The following FAM13A variants were observed in gnomAD, a reference collection of about 807,000 sequenced individuals.
FAM13A encodes protein FAM13A.
A neutral mutation model predicts 129.6 loss-of-function variants in FAM13A; 76 were observed. The ratio of observed to expected loss-of-function variants is 0.59; its 90% confidence interval spans 0.49 to 0.71. The LOEUF (loss-of-function observed/expected upper bound fraction) is 0.71. Ranked by LOEUF, FAM13A falls within the 30% of genes least tolerant of loss-of-function variation. FAM13A has a pLI of 0.00. For synonymous variants in FAM13A, 443 were observed against 449.9 expected (o/e 0.98, Z 0.20); for missense variants, 1,108 against 1,249.3 (o/e 0.89, Z 1.70).
intron 4 of FAM13A, among the ~76,000 whole-genome samples, chr4:88,968,406 C>T (rs1453239942): frequency 6.6e-6 from 1 of 152,164 alleles, no homozygotes; most frequent in Admixed American, 6.5e-5. Flanking sequence ...AATATATAAT[C>T]AGTAGCAAGG....
chr4:89,001,895 G>C (rs570567998), intron 3 of FAM13A, among the ~76,000 whole-genome samples: 1 of 151,938 alleles, frequency 6.6e-6, no homozygotes, highest in East Asian at 1.9e-4. Flanking sequence ...CTATTATTAC[G>C]GTGGTTTTCT....
chr4:88,912,549 C>T (rs1749238466), intron 5 of FAM13A, among the ~76,000 whole-genome samples: 2 of 138,610 alleles, frequency 1.4e-5, no homozygotes, highest in South Asian at 4.5e-4. Flanking sequence ...TAAATCACCT[C>T]TCTCTTTACA....
chr4:88,937,963 T>A, intron 5 of FAM13A, 125 bp downstream of exon 5: 1 of 658,442 alleles, frequency 1.5e-6, no homozygotes, highest in Non-Finnish European at 2.6e-6. Context: ...ATAAGAAGGA[T>A]TCACTATACA....
At chr4:89,037,934 G>A (rs1428831962) in intron 1 of FAM13A, among the ~76,000 whole-genome samples, 3 of 152,182 alleles carry the variant, frequency 2.0e-5, no homozygotes, top group Non-Finnish European at 1.5e-5. Context: ...TGTGGAACCA[G>A]GAGACAATTA....
At chr4:88,927,771 G>A (rs1412947531) in intron 5 of FAM13A, among the ~76,000 whole-genome samples, 1 of 151,878 alleles carries the variant, frequency 6.6e-6, no homozygotes, top group Non-Finnish European at 1.5e-5. Flanking sequence ...GGTTAGTCTA[G>A]TGAGTGGTCT....
chr4:88,924,003 G>T (rs1370291091), intron 5 of FAM13A, among the ~76,000 whole-genome samples: 4 of 152,144 alleles, frequency 2.6e-5, no homozygotes, highest in Non-Finnish European at 4.4e-5. Context: ...CAAAGGACGT[G>T]AAGGACCTCT....
chr4:88,944,188 C>A (rs1429707575), intron 4 of FAM13A, among the ~76,000 whole-genome samples: 4 of 152,028 alleles, frequency 2.6e-5, no homozygotes, highest in East Asian at 1.9e-4. Context: ...CATAGTGAGA[C>A]CCTCATTTTA....
chr4:89,019,823 A>T (rs1767009343), intron 3 of FAM13A, among the ~76,000 whole-genome samples: 1 of 151,962 alleles, frequency 6.6e-6, no homozygotes, highest in African/African-American at 2.4e-5. Context: ...TACAATCAAA[A>T]ATCAATTTTT....
chr4:89,038,804 T>TG (rs1769728429), intron 1 of FAM13A, among the ~76,000 whole-genome samples: 1 of 152,148 alleles, frequency 6.6e-6, no homozygotes, highest in Admixed American at 6.5e-5. Flanking sequence ...CACTTAATAA[T>TG]GTAAGCAAGG....
At chr4:88,744,737 A>AT (rs1353772725) in intron 19 of FAM13A, among the ~76,000 whole-genome samples, 7 of 151,934 alleles carry the variant, frequency 4.6e-5, no homozygotes, top group South Asian at 2.1e-4. Flanking sequence ...TGACTCTTTG[A>AT]TTTTTTTTCA....
intron 4 of FAM13A, among the ~76,000 whole-genome samples, chr4:88,956,119 G>A (rs1490792200): frequency 6.6e-6 from 1 of 152,206 alleles, no homozygotes; most frequent in Non-Finnish European, 1.5e-5. Flanking sequence ...GTAGTGTACA[G>A]TAATGTCCTA....
intron 4 of FAM13A, among the ~76,000 whole-genome samples, chr4:88,951,929 T>TA (rs1757014268): frequency 6.6e-6 from 1 of 152,202 alleles, no homozygotes; most frequent in African/African-American, 2.4e-5. Context: ...TAGAGGGAAC[T>TA]AAAATTTGCA....
chr4:88,964,611 C>A (rs557167763), intron 4 of FAM13A, among the ~76,000 whole-genome samples: 4 of 151,464 alleles, frequency 2.6e-5, no homozygotes, highest in African/African-American at 9.7e-5. Context: ...TAATGAATCA[C>A]CAAACTAACA....
chr4:88,872,622 C>T (rs1021964729), intron 6 of FAM13A, among the ~76,000 whole-genome samples: 2 of 152,166 alleles, frequency 1.3e-5, no homozygotes, highest in African/African-American at 2.4e-5. Flanking sequence ...TACAGGAGCA[C>T]CCAGATTCAC....
intron 3 of FAM13A, among the ~76,000 whole-genome samples, chr4:89,007,209 C>G (rs1765158625): frequency 6.6e-6 from 1 of 152,164 alleles, no homozygotes; most frequent in South Asian, 2.1e-4. Flanking sequence ...GCCTAATTTT[C>G]CTACCCTTGA....
intron 7 of FAM13A, among the ~76,000 whole-genome samples, chr4:88,831,677 T>C (rs746183520): frequency 2.0e-5 from 3 of 152,056 alleles, no homozygotes; most frequent in Non-Finnish European, 4.4e-5. Flanking sequence ...TCCAGGAATA[T>C]AGCTAACAAG....
intron 1 of FAM13A, among the ~76,000 whole-genome samples, chr4:89,056,672 C>G (rs909848423): frequency 6.6e-6 from 1 of 152,144 alleles, no homozygotes; most frequent in Non-Finnish European, 1.5e-5. Context: ...TGAAAGTGCT[C>G]TACTTTAAAT....
chr4:88,728,996 CATTCTT>C, intron 23 of FAM13A: 1 of 159,524 alleles, frequency 6.3e-6, no homozygotes, highest in Non-Finnish European at 1.4e-5. Flanking sequence ...AATGTTTTCT[CATTCTT>C]ATATATTTCA....
intron 3 of FAM13A, among the ~76,000 whole-genome samples, chr4:89,016,760 G>A (rs1045681100): frequency 2.0e-5 from 3 of 152,040 alleles, no homozygotes; most frequent in Non-Finnish European, 4.4e-5. Flanking sequence ...TCAGCCTCCT[G>A]AGTAGCTGGG....
Sources: gnomAD v4.1 joint callset for allele counts (sites outside exome capture counted in the v4.1 genomes callset) on GRCh38, gnomAD v4.1.1 for gene constraint, MANE v1.5 for transcripts, NCBI Gene and HGNC (gene_info 2026-07-23, HGNC 2026-07-21) for gene names.